The following CYP4F12 variants were observed in gnomAD, a reference collection of about 807,000 sequenced individuals.
CYP4F12 encodes the protein cytochrome P450 4F12.
CYP4F12 carries 60 observed loss-of-function variants against 56.5 expected under a neutral mutation model. The ratio of observed to expected loss-of-function variants is 1.06; its 90% CI spans 0.86 to 1.32. The LOEUF is 1.32. CYP4F12 is among the 40% of genes most tolerant of loss of function. CYP4F12 has a pLI of 0.00. For missense variants in CYP4F12, 711 were observed against 683.5 expected, an observed-to-expected ratio of 1.04 and a Z score of -0.45; for synonymous variants, 263 against 264.9, an observed-to-expected ratio of 0.99 and a Z score of 0.07.
chr19:15,696,315 G>A lies in CYP4F12; in HGVS notation c.1314+90G>A, dbSNP rs983679640. The A allele has an allele frequency of 3.7e-6, 6 of 1,610,564 alleles. No homozygotes were observed. In the African/African-American group the frequency reaches 8.0e-5, roughly 22 times the overall value. On this transcript the variant is annotated intron_variant, in intron 11 of 12. Coordinates refer to ENST00000550308, the MANE Select transcript of CYP4F12 (RefSeq NM_023944.4). Reference sequence around the variant, plus strand: ...TCCAAGGTTCCTAGTGGAGGGGGCAGGGTTTTGATGAGGAAAATCCAACAT... The same window carrying A: ...TCCAAGGTTCCTAGTGGAGGGGGCAAGGTTTTGATGAGGAAAATCCAACAT...
At chr19:15,679,056 T>G (rs1013314097) in intron 3 of CYP4F12, among the ~76,000 whole-genome samples, 1 of 152,206 alleles carries the variant, frequency 6.6e-6, no homozygotes, top group Non-Finnish European at 1.5e-5. Flanking sequence ...ACCAGCTGCT[T>G]GACCTCCCCT....
At chr19:15,694,009 C>T (rs148943067) in intron 9 of CYP4F12, among the ~76,000 whole-genome samples, 41,682 of 150,018 alleles carry the variant, frequency 0.28, 6,269 homozygotes, top group African/African-American at 0.39. Context: ...AGACATGTGG[C>T]ATTAACTCTG....
At chr19:15,696,364 A>C in intron 11 of CYP4F12, 66 bp from the exon 12 acceptor site, 1 of 1,611,876 alleles carries the variant, frequency 6.2e-7, no homozygotes, top group Non-Finnish European at 8.5e-7. Flanking sequence ...AACACACACA[A>C]GTGTCTCTCC....
chr19:15,693,566 T>G (rs2007978859), intron 9 of CYP4F12, among the ~76,000 whole-genome samples: 1 of 147,898 alleles, frequency 6.8e-6, no homozygotes, highest in Admixed American at 6.8e-5. Flanking sequence ...TTGTTTGACT[T>G]CATTGTAGAT....
At chr19:15,673,370 G>T in intron 1 of CYP4F12, 159 bp from the exon 2 acceptor site, 1 of 764,350 alleles carries the variant, frequency 1.3e-6, no homozygotes, top group Non-Finnish European at 2.1e-6. Flanking sequence ...TGTTGGTTTT[G>T]GTTGGGACTT....
intron 2 of CYP4F12, among the ~76,000 whole-genome samples, chr19:15,678,001 CATTCCTCTCCTCACTCACTCCTT>C (rs2007076106): frequency 6.6e-6 from 1 of 151,512 alleles, no homozygotes; most frequent in African/African-American, 2.4e-5. Context: ...CTCACTCACT[CATTCCTCTCCTCACTCACTCCTT>C]CCTCTCCACA....
intron 5 of CYP4F12, 167 bp downstream of exon 5, chr19:15,680,686 A>T (rs1259100255): frequency 1.1e-6 from 1 of 902,218 alleles, no homozygotes; most frequent in Non-Finnish European, 1.8e-6. Context: ...CCTACTTGAA[A>T]GGTCATTTAC....
chr19:15,680,613 C>G, intron 5 of CYP4F12, 94 bp downstream of exon 5: 1 of 1,511,264 alleles, frequency 6.6e-7, no homozygotes, highest in Admixed American at 1.7e-5. Flanking sequence ...CTGGGTGGCA[C>G]TGGGCCATTG....
intron 5 of CYP4F12, chr19:15,680,826 T>C (rs2007257234): frequency 5.1e-6 from 2 of 392,998 alleles, no homozygotes; most frequent in Non-Finnish European, 9.7e-6. Flanking sequence ...TCAGAACTCA[T>C]TGGCTTAGAG....
chr19:15,686,162 A>G (rs1358210609), intron 9 of CYP4F12, among the ~76,000 whole-genome samples: 1 of 152,224 alleles, frequency 6.6e-6, no homozygotes, highest in East Asian at 1.9e-4. Context: ...TGTGATAGAA[A>G]GTGTTTCAAG....
At chr19:15,692,388 A>G (rs2007911629) in intron 9 of CYP4F12, among the ~76,000 whole-genome samples, 2 of 152,172 alleles carry the variant, frequency 1.3e-5, no homozygotes, top group African/African-American at 2.4e-5. Context: ...TAATCCAGGT[A>G]TTTTATATTA....
Position 15,685,114 on chromosome 19 carries a change from T to C in CYP4F12, c.1032T>C (p.Leu344=). Reference sequence around the variant, plus strand: ...GCCTCTCCTGGGTCCTGTACAACCTTGCGAGGCACCCAGAATACCAGGAGC... The same window carrying C: ...GCCTCTCCTGGGTCCTGTACAACCTCGCGAGGCACCCAGAATACCAGGAGC... The part of the protein sequence containing the change: ...ASGLSWVLYN[L]ARHPEYQERC... Residue 344 remains leucine (L), a synonymous_variant, in exon 9 of 13, where the codon CTT becomes CTC. Transcript: ENST00000550308. 3.7e-6 allele frequency: 6 copies of C among 1,614,144 alleles called. No homozygotes were observed. The highest frequency in any genetic ancestry group is 1.7e-5 in the Admixed American group (1 of 60,026).
In CYP4F12 at chr19:15,678,291, T is replaced by C. The variant is rs1424784696; in HGVS notation, c.229T>C (p.Ser77Pro). 1 of 1,614,068 alleles carries C rather than the reference T, an allele frequency of 6.2e-7. No individual in the cohort carries two copies. The highest frequency in any genetic ancestry group is 8.5e-7 in the Non-Finnish European group (1 of 1,180,028). ...ITPTEEGLKN[S>P]TQMSATYSQG... ...TCCTACAGAGGAGGGCTTGAAGAAC[T>C]CGACCCAGATGTCGGCCACCTATTC... is the stretch of plus-strand genomic sequence containing the variant. Residue 77 changes from serine (S) to proline (P), a missense_variant, in exon 3 of 13, where the codon TCG (serine) becomes CCG (proline). Ser to Pro is a moderately conservative substitution (Grantham distance 74, BLOSUM62 -1). Coordinates refer to ENST00000550308, the MANE Select transcript of CYP4F12 (RefSeq NM_023944.4).
chr19:15,692,656 T>A (rs2007924457), intron 9 of CYP4F12, among the ~76,000 whole-genome samples: 1 of 152,190 alleles, frequency 6.6e-6, no homozygotes, highest in African/African-American at 2.4e-5. Context: ...CATTTTTTTC[T>A]AAAAGAGTCC....
chr19:15,696,447 C>T lies in CYP4F12; in HGVS notation c.1332C>T (p.Arg444=), dbSNP rs1253230276. The change falls in exon 12 of 13, where the codon CGC becomes CGT. Residue 444 remains arginine (R), a synonymous_variant. Coordinates refer to ENST00000550308, the MANE Select transcript of CYP4F12 (RefSeq NM_023944.4). ...WPDPEVYDPF[R]FDPENSKGRS... Reference sequence around the variant, plus strand: ...ACCTGCAGGTCTACGACCCCTTCCGCTTTGACCCAGAGAACAGCAAGGGGA... The same window carrying T: ...ACCTGCAGGTCTACGACCCCTTCCGTTTTGACCCAGAGAACAGCAAGGGGA... 6.2e-7 allele frequency: 1 copy of T among 1,614,180 alleles called. No individual in the cohort carries two copies. The highest frequency in any genetic ancestry group is 8.5e-7 in the Non-Finnish European group (1 of 1,180,036).
In CYP4F12 at chr19:15,696,238, C is replaced by T. The variant is rs762493357; in HGVS notation, c.1314+13C>T. Reference sequence around the variant, plus strand: ...GCCGGATCCTGAGGTGCTGCCTTCCCCATTCACCACCACCACCCCCATCCT... The same window carrying T: ...GCCGGATCCTGAGGTGCTGCCTTCCTCATTCACCACCACCACCCCCATCCT... On this transcript the variant is annotated intron_variant, in intron 11 of 12. Coordinates refer to ENST00000550308, the MANE Select transcript of CYP4F12 (RefSeq NM_023944.4). 2.5e-6 allele frequency: 4 copies of T among 1,613,996 alleles called. No homozygotes were observed. Among genetic ancestry groups the T allele is most frequent in the Non-Finnish European group, 3.4e-6 (4 of 1,179,936 alleles).
At chr19:15,677,612 C>A (rs777400042) in intron 2 of CYP4F12, among the ~76,000 whole-genome samples, 2,655 of 12,278 alleles carry the variant, frequency 0.22, 414 homozygotes, top group East Asian at 0.45. Flanking sequence ...TCGTTCCTCT[C>A]CTCACTCACT....
chr19:15,681,329 G>A (rs1183226153), intron 5 of CYP4F12: 1 of 152,318 alleles, frequency 6.6e-6, no homozygotes, highest in African/African-American at 2.4e-5. Flanking sequence ...AATACAGGGA[G>A]AAGTGAAGAA....
Position 15,696,656 on chromosome 19 carries a change from T to C in CYP4F12, c.1397+144T>C, listed in dbSNP as rs373421134. The stretch of plus-strand genomic sequence containing the variant: ...TGGGAAAACGTCCATAGAATGGGGA[T>C]GAGTAGGTCCTAGAGGGGTCCGCGG... On this transcript the variant is annotated intron_variant, in intron 12 of 12. Coordinates refer to ENST00000550308, the MANE Select transcript of CYP4F12 (RefSeq NM_023944.4). 124 of 1,137,764 alleles carry C rather than the reference T, an allele frequency of 1.1e-4. 1 individual carries two copies. The East Asian group carries it at 2.1e-3, about 19-fold the overall frequency. The allele number at this position is 1,137,764 out of a possible 1,614,324, so 70.5% of individuals were successfully genotyped here. A position where few individuals can be genotyped will look rare whatever the true frequency, so the allele number is the denominator to read the frequency against.
Sources: gnomAD v4.1 joint callset for allele counts (sites outside exome capture counted in the v4.1 genomes callset) on GRCh38, gnomAD v4.1.1 for gene constraint, MANE v1.5 for transcripts, NCBI Gene and HGNC (gene_info 2026-07-23, HGNC 2026-07-21) for gene names.